The following CDH18 variants were observed in gnomAD, a reference collection of about 807,000 sequenced individuals.
The protein encoded by CDH18 is cadherin-18.
Under a neutral mutation model 67.9 loss-of-function variants are expected in CDH18, and 31 were observed. The observed-to-expected ratio is 0.46, with a 90% CI of 0.34 to 0.62. CDH18 has a LOEUF of 0.62. Ranked by LOEUF, CDH18 falls within the 20% of genes least tolerant of loss-of-function variation. The pLI, the probability that CDH18 is intolerant of heterozygous loss-of-function variation, is 0.01. For missense variants in CDH18, 890 were observed against 975.5 expected (o/e 0.91, Z 1.17); for synonymous variants, 362 against 347.2 (o/e 1.04, Z -0.48).
chr5:20,342,552 A>T (rs1340284743), intron 1 of CDH18, among the ~76,000 whole-genome samples: 3 of 152,142 alleles, frequency 2.0e-5, no homozygotes, highest in Admixed American at 6.5e-5. Context: ...AGTGTGACCC[A>T]TGAGGAGGTG....
intron 2 of CDH18, among the ~76,000 whole-genome samples, chr5:20,136,445 A>T (rs1323467276): frequency 1.3e-5 from 2 of 152,094 alleles, no homozygotes; most frequent in Admixed American, 6.6e-5. Context: ...TGCTTGGTAG[A>T]TCTTCTTCTA....
chr5:19,830,298 C>A (rs767534952), intron 3 of CDH18, among the ~76,000 whole-genome samples: 7 of 151,888 alleles, frequency 4.6e-5, no homozygotes, highest in Non-Finnish European at 1.0e-4. Flanking sequence ...CATCACACAA[C>A]GGTCTAATAT....
chr5:20,004,696 A>G (rs560781883), intron 2 of CDH18, among the ~76,000 whole-genome samples: 17 of 152,342 alleles, frequency 1.1e-4, no homozygotes, highest in African/African-American at 4.1e-4. Flanking sequence ...AGTTCAATAG[A>G]TGGGTTGGAT....
intron 2 of CDH18, among the ~76,000 whole-genome samples, chr5:20,059,464 T>C (rs560705626): frequency 2.6e-5 from 4 of 152,280 alleles, no homozygotes; most frequent in South Asian, 4.1e-4. Context: ...TGTGGGCATT[T>C]AGTGCTATAA....
chr5:20,190,748 A>C (rs1318358561), intron 2 of CDH18, among the ~76,000 whole-genome samples: 1 of 152,274 alleles, frequency 6.6e-6, no homozygotes, highest in East Asian at 1.9e-4. Flanking sequence ...CACAGTATAC[A>C]TGTAAATCTT....
At chr5:20,094,401 C>T (rs985977067) in intron 2 of CDH18, among the ~76,000 whole-genome samples, 1 of 152,150 alleles carries the variant, frequency 6.6e-6, no homozygotes, top group Non-Finnish European at 1.5e-5. Flanking sequence ...TACTGTGATG[C>T]CTCCAGCTTT....
intron 3 of CDH18, among the ~76,000 whole-genome samples, chr5:19,794,371 C>A (rs957355313): frequency 6.6e-6 from 1 of 152,080 alleles, no homozygotes. Flanking sequence ...AGGGTGAGTT[C>A]TTTATGTCAT....
At chr5:19,995,156 T>C (rs1285494873) in intron 2 of CDH18, among the ~76,000 whole-genome samples, 1 of 151,916 alleles carries the variant, frequency 6.6e-6, no homozygotes, top group African/African-American at 2.4e-5. Context: ...TGGTTAATGC[T>C]AAGGTCTTCC....
intron 2 of CDH18, among the ~76,000 whole-genome samples, chr5:20,163,806 A>G (rs1251896707): frequency 6.6e-6 from 1 of 152,230 alleles, no homozygotes; most frequent in Non-Finnish European, 1.5e-5. Context: ...ACATACAACA[A>G]CCCATGAAAC....
intron 1 of CDH18, among the ~76,000 whole-genome samples, chr5:20,477,548 G>A (rs953453544): frequency 2.0e-5 from 3 of 152,174 alleles, no homozygotes; most frequent in African/African-American, 7.2e-5. Context: ...AGCAGCATGG[G>A]GCAGAATTCG....
intron 3 of CDH18, among the ~76,000 whole-genome samples, chr5:19,751,893 T>C (rs1414541281): frequency 1.3e-5 from 2 of 152,134 alleles, no homozygotes; most frequent in Non-Finnish European, 2.9e-5. Flanking sequence ...GCTCACATTG[T>C]TAATTTTGCC....
chr5:19,577,237 A>C (rs928261330), intron 7 of CDH18, among the ~76,000 whole-genome samples: 1 of 152,178 alleles, frequency 6.6e-6, no homozygotes, highest in Non-Finnish European at 1.5e-5. Flanking sequence ...TAAAAGAGAG[A>C]ATTTTAAATG....
chr5:19,864,836 T>C (rs576952361), intron 2 of CDH18, among the ~76,000 whole-genome samples: 9 of 152,284 alleles, frequency 5.9e-5, no homozygotes, highest in Admixed American at 5.9e-4. Flanking sequence ...CACTCTTACA[T>C]GTGACCCTAT....
chr5:20,104,851 C>A (rs751566428), intron 2 of CDH18, among the ~76,000 whole-genome samples: 1 of 152,202 alleles, frequency 6.6e-6, no homozygotes. Context: ...CACACTCACA[C>A]AACCACACCT....
At chr5:20,526,429 A>AG (rs770262634) in intron 1 of CDH18, among the ~76,000 whole-genome samples, 3 of 152,020 alleles carry the variant, frequency 2.0e-5, no homozygotes, top group African/African-American at 4.8e-5. Flanking sequence ...TCCATCCATA[A>AG]GGGGGGCTTT....
chr5:19,534,150 T>G (rs953311291), intron 9 of CDH18, among the ~76,000 whole-genome samples: 1 of 152,036 alleles, frequency 6.6e-6, no homozygotes, highest in East Asian at 1.9e-4. Flanking sequence ...TGAAAGGAGT[T>G]AACCATGAGC....
At chr5:20,408,291 G>C (rs186842334) in intron 1 of CDH18, among the ~76,000 whole-genome samples, 5 of 152,144 alleles carry the variant, frequency 3.3e-5, no homozygotes, top group Non-Finnish European at 5.9e-5. Flanking sequence ...ACAAAAGTAT[G>C]CCAAAGAGCA....
chr5:20,385,967 T>C (rs1046447150), intron 1 of CDH18, among the ~76,000 whole-genome samples: 2 of 152,218 alleles, frequency 1.3e-5, no homozygotes, highest in African/African-American at 4.8e-5. Flanking sequence ...CTGAATTTCA[T>C]AGGTGTAGTT....
chr5:20,433,524 G>A (rs1482638810), intron 1 of CDH18, among the ~76,000 whole-genome samples: 1 of 151,984 alleles, frequency 6.6e-6, no homozygotes, highest in Admixed American at 6.6e-5. Flanking sequence ...AGGAGAAGAG[G>A]AGTAGTTGGT....
Sources: allele counts gnomAD v4.1 joint callset (sites outside exome capture counted in the v4.1 genomes callset), GRCh38; gene constraint gnomAD v4.1.1; transcripts MANE v1.5; gene names NCBI Gene and HGNC (gene_info 2026-07-23, HGNC 2026-07-21).